The following CCDC30 variants were observed in gnomAD, a reference collection of about 807,000 sequenced individuals.
The protein encoded by CCDC30 is coiled-coil domain containing 30, also known as coiled-coil domain-containing protein 30.
CCDC30 carries 70 observed loss-of-function variants against 100.2 expected under a neutral mutation model. The ratio of observed to expected loss-of-function variants is 0.70; its 90% CI spans 0.58 to 0.85. The LOEUF is 0.85. Ranked by LOEUF, CCDC30 falls within the 40% of genes least tolerant of loss-of-function variation. The probability of loss-of-function intolerance (pLI) is 0.00; values close to 1 mark genes in which losing one functional copy is unlikely to be tolerated. For missense variants in CCDC30, 652 were observed against 771.2 expected (o/e 0.85, Z 1.83); for synonymous variants, 233 against 269.5 (o/e 0.86, Z 1.33).
intron 1 of CCDC30, chr1:42,468,659 G>T (rs1643668239): frequency 6.6e-6 from 1 of 152,252 alleles, no homozygotes; most frequent in Admixed American, 6.5e-5. Flanking sequence ...ACTTCTTCTA[G>T]ATTGATCTGG....
intron 11 of CCDC30, among the ~76,000 whole-genome samples, chr1:42,613,509 C>G (rs1416046965): frequency 6.6e-6 from 1 of 152,200 alleles, no homozygotes; most frequent in Non-Finnish European, 1.5e-5. Flanking sequence ...CCGCCTCGGC[C>G]TCCCAAAGTG....
chr1:42,479,950 C>T (rs943505232), intron 1 of CCDC30, among the ~76,000 whole-genome samples: 2 of 151,986 alleles, frequency 1.3e-5, no homozygotes, highest in African/African-American at 4.8e-5. Context: ...ACAGCTGCTC[C>T]GGCTGATAGA....
chr1:42,562,433 G>A (rs371252630), intron 6 of CCDC30, among the ~76,000 whole-genome samples: 1 of 151,936 alleles, frequency 6.6e-6, no homozygotes, highest in African/African-American at 2.4e-5. Flanking sequence ...ACCCCTTCCT[G>A]ACACCTTAAA....
chr1:42,571,885 C>T (rs72659998), intron 7 of CCDC30, among the ~76,000 whole-genome samples: 19,578 of 152,172 alleles, frequency 0.13, 1,443 homozygotes, highest in East Asian at 0.17. Context: ...TGCCTTTGAA[C>T]AGAGGGTTTA....
intron 2 of CCDC30, among the ~76,000 whole-genome samples, chr1:42,481,485 G>A (rs539249509): frequency 1.3e-5 from 2 of 151,158 alleles, no homozygotes; most frequent in South Asian, 4.2e-4. Context: ...ACTGAGGCAG[G>A]AGAATCACTT....
chr1:42,486,138 A>G (rs1026498192), intron 3 of CCDC30, among the ~76,000 whole-genome samples: 5 of 152,240 alleles, frequency 3.3e-5, no homozygotes, highest in Non-Finnish European at 5.9e-5. Flanking sequence ...ACCCAGGAGA[A>G]ATGAAAACAT....
exon 15 of CCDC30, chr1:42,646,270 G>A (rs1237962861): frequency 1.0e-5 from 16 of 1,549,382 alleles, no homozygotes; most frequent in African/African-American, 1.4e-5. Flanking sequence ...GCATGAGGAT[G>A]AGTCAGTTCC....
chr1:42,586,753 A>T (rs1353648762), intron 9 of CCDC30, among the ~76,000 whole-genome samples: 4 of 152,140 alleles, frequency 2.6e-5, no homozygotes, highest in Non-Finnish European at 1.5e-5. Flanking sequence ...AGAAAGAGTA[A>T]TGGGGAGCCA....
rs112831149 is a variant in CCDC30 at position 42,572,194 on chromosome 1, A to G, written c.637-4826A>G. ...ACTCTTGGAACTGTCAGACGTTAAAATTTTTGCAAACCTAGTATACGTGTA... is the reference window on the plus strand; with the variant it reads ...ACTCTTGGAACTGTCAGACGTTAAAGTTTTTGCAAACCTAGTATACGTGTA... On this transcript the variant is annotated intron_variant, in intron 7 of 16. Transcript: ENST00000668663. Among the ~76,000 whole-genome samples the G allele has an allele frequency of 3.7e-3, 562 of 152,318 alleles. 2 individuals carry two copies. The highest frequency in any genetic ancestry group is 0.013 in the African/African-American group (542 of 41,562).
At chr1:42,631,952 C>T (rs749075106) in intron 11 of CCDC30, among the ~76,000 whole-genome samples, 1 of 152,088 alleles carries the variant, frequency 6.6e-6, no homozygotes, top group African/African-American at 2.4e-5. Context: ...ACCCCAAGAG[C>T]CTTCCTGGTG....
intron 6 of CCDC30, among the ~76,000 whole-genome samples, chr1:42,526,587 C>G (rs1398418605): frequency 2.0e-5 from 3 of 152,034 alleles, no homozygotes; most frequent in Non-Finnish European, 4.4e-5. Flanking sequence ...ATATGGATCT[C>G]CAAGGTTTTT....
intron 6 of CCDC30, among the ~76,000 whole-genome samples, chr1:42,503,644 C>T (rs1644353828): frequency 6.6e-6 from 1 of 152,218 alleles, no homozygotes; most frequent in Non-Finnish European, 1.5e-5. Context: ...CCTATTGGCA[C>T]AACTGCTGGC....
chr1:42,599,554 AT>A lies in CCDC30; in HGVS notation c.1164+10073del, dbSNP rs1195459310. Among the ~76,000 whole-genome samples the A allele has an allele frequency of 3.3e-5, 5 of 152,242 alleles. No homozygotes were observed. The South Asian group carries it at 1.0e-3, about 31-fold the overall frequency. On this transcript the variant is annotated intron_variant, in intron 10 of 16. Coordinates refer to ENST00000668663, the Ensembl canonical transcript of CCDC30. ...AATAAATATGGTAGATATCAATCCA[AT>A]TATATTAATAATCACTTTAGACATC...
At chr1:42,532,519 GA>G (rs1644821271) in intron 6 of CCDC30, among the ~76,000 whole-genome samples, 1 of 152,104 alleles carries the variant, frequency 6.6e-6, no homozygotes, top group African/African-American at 2.4e-5. Flanking sequence ...TATCTGGTAG[GA>G]AAATAATAGC....
intron 6 of CCDC30, among the ~76,000 whole-genome samples, chr1:42,499,432 T>C (rs577039842): frequency 6.6e-6 from 1 of 152,314 alleles, no homozygotes; most frequent in South Asian, 2.1e-4. Flanking sequence ...TTTATACATT[T>C]TTAATGGAGT....
chr1:42,556,682 G>T (rs79073738), intron 6 of CCDC30, among the ~76,000 whole-genome samples: 2,022 of 152,202 alleles, frequency 0.013, 44 homozygotes, highest in African/African-American at 0.047. Context: ...ATATACATTT[G>T]TGAGCAATAT....
chr1:42,489,326 A>G (rs1337278743), intron 3 of CCDC30, among the ~76,000 whole-genome samples: 2 of 152,218 alleles, frequency 1.3e-5, no homozygotes, highest in Non-Finnish European at 2.9e-5. Context: ...ATGATGGTAC[A>G]TATATCTGGC....
At chr1:42,569,932 C>T (rs1645696165) in intron 7 of CCDC30, among the ~76,000 whole-genome samples, 1 of 152,070 alleles carries the variant, frequency 6.6e-6, no homozygotes, top group South Asian at 2.1e-4. Flanking sequence ...ACAATGAGAA[C>T]ACATGGACAC....
chr1:42,482,789 G>A, exon 3 of CCDC30: 4 of 1,233,920 alleles, frequency 3.2e-6, no homozygotes, highest in Non-Finnish European at 3.0e-6. Flanking sequence ...TGAACTACAA[G>A]TGAAGGAGAA....
Sources: gnomAD v4.1 joint callset for allele counts (sites outside exome capture counted in the v4.1 genomes callset) on GRCh38, gnomAD v4.1.1 for gene constraint, MANE v1.5 for transcripts, NCBI Gene and HGNC (gene_info 2026-07-23, HGNC 2026-07-21) for gene names.